IFT122: variants seen among roughly 807,000 people sequenced by gnomAD.
The protein encoded by IFT122 is intraflagellar transport 122, also known as intraflagellar transport protein 122 homolog.
A neutral mutation model predicts 161.6 loss-of-function variants in IFT122; 118 were observed. That is an observed-to-expected ratio of 0.73 (90% CI 0.63 to 0.85). IFT122 has a LOEUF of 0.85. Among genes scored for constraint, IFT122 ranks in the 40% least tolerant of loss-of-function variants. The pLI, the probability that IFT122 is intolerant of heterozygous loss-of-function variation, is 0.00. For missense variants in IFT122, 1,381 were observed against 1,579.6 expected, an observed-to-expected ratio of 0.87 and a Z score of 2.13; for synonymous variants, 550 against 602.4, an observed-to-expected ratio of 0.91 and a Z score of 1.27.
intron 15 of IFT122, chr3:129,487,985 C>T: frequency 1.9e-6 from 1 of 523,716 alleles, no homozygotes; most frequent in Non-Finnish European, 3.5e-6. Flanking sequence ...GGGTGACATC[C>T]TATGGCGAGG....
chr3:129,472,630 G>A (rs2077482608), intron 9 of IFT122, among the ~76,000 whole-genome samples: 1 of 152,178 alleles, frequency 6.6e-6, no homozygotes, highest in African/African-American at 2.4e-5. Flanking sequence ...TTCACCAAAT[G>A]TGAAAACATT....
intron 7 of IFT122, among the ~76,000 whole-genome samples, chr3:129,465,465 CTTTTTT>C (rs61439083): frequency 9.9e-6 from 1 of 101,244 alleles, no homozygotes; most frequent in Non-Finnish European, 1.8e-5. Context: ...ATTATATGCT[CTTTTTT>C]TTTTTTTTTT....
chr3:129,466,495 C>CT (rs527470540), intron 7 of IFT122, among the ~76,000 whole-genome samples: 2,859 of 102,002 alleles, frequency 0.028, 28 homozygotes, highest in Non-Finnish European at 0.032. Flanking sequence ...TATTTTTATT[C>CT]TTTTTTTTTT....
At chr3:129,450,638 A>G (rs945975184) in intron 2 of IFT122, among the ~76,000 whole-genome samples, 1 of 151,588 alleles carries the variant, frequency 6.6e-6, no homozygotes, top group African/African-American at 2.4e-5. Flanking sequence ...GTTTTTCTAC[A>G]TAGGTTATCT....
rs2084416442 is a variant in IFT122, at chr3:129,519,187, G to T, written c.3471+1G>T. 1 of 1,613,716 alleles carries T rather than the reference G, an allele frequency of 6.2e-7. No homozygotes were observed. Among genetic ancestry groups the T allele is most frequent in the African/African-American group, 1.3e-5 (1 of 75,058 alleles). On this transcript the variant is annotated splice_donor_variant, in intron 28 of 29. Coordinates refer to ENST00000348417, the MANE Select transcript of IFT122 (RefSeq NM_052989.3). LOFTEE classifies it high-confidence loss of function. The stretch of plus-strand genomic sequence containing the variant: ...GTTCACAGCTAAGCTGAGCTTTGAG[G>T]TGAGGGTGCCTCTCTGGGTGACCTG...
chr3:129,496,456 G>T (rs992605582), intron 18 of IFT122, among the ~76,000 whole-genome samples: 2 of 152,220 alleles, frequency 1.3e-5, no homozygotes, highest in African/African-American at 4.8e-5. Flanking sequence ...GTGGCTCTCA[G>T]TATGTTATGA....
At chr3:129,496,651 A>T (rs576461433) in intron 18 of IFT122, among the ~76,000 whole-genome samples, 1 of 152,016 alleles carries the variant, frequency 6.6e-6, no homozygotes, top group Non-Finnish European at 1.5e-5. Context: ...GTTGCCCAGG[A>T]CCTATTGTTC....
chr3:129,480,998 G>A lies in IFT122; in HGVS notation c.1489-532G>A, dbSNP rs150070264. Reference sequence around the variant, plus strand: ...GAGCCCAGGAGTTTGAGGCTGCAGTGTGATATGATTATACCTGTGAATAGC... The same window carrying A: ...GAGCCCAGGAGTTTGAGGCTGCAGTATGATATGATTATACCTGTGAATAGC... On this transcript the variant is annotated intron_variant, in intron 13 of 29. Transcript: ENST00000348417. Among the ~76,000 whole-genome samples, 9 of 152,288 alleles carry A rather than the reference G, an allele frequency of 5.9e-5. No individual in the cohort carries two copies. In the East Asian group the frequency reaches 1.7e-3, roughly 29 times the overall value.
intron 3 of IFT122, among the ~76,000 whole-genome samples, chr3:129,452,625 C>G (rs942167001): frequency 6.6e-6 from 1 of 152,060 alleles, no homozygotes; most frequent in African/African-American, 2.4e-5. Flanking sequence ...CAAAGAGAAT[C>G]GGGAATTGTA....
chr3:129,509,514 G>C (rs1290638866), intron 23 of IFT122, among the ~76,000 whole-genome samples: 5 of 152,180 alleles, frequency 3.3e-5, no homozygotes, highest in Middle Eastern at 3.2e-3. Flanking sequence ...AGTTGTCTCT[G>C]TTGCTTTATG....
chr3:129,512,203 A>C, intron 23 of IFT122, 109 bp from the exon 24 acceptor site: 1 of 810,148 alleles, frequency 1.2e-6, no homozygotes, highest in Non-Finnish European at 2.2e-6. Context: ...CTCAATAATC[A>C]GAGCCGCTCT....
At chr3:129,471,447 C>G (rs2077362170) in intron 9 of IFT122, among the ~76,000 whole-genome samples, 2 of 151,016 alleles carry the variant, frequency 1.3e-5, no homozygotes, top group Admixed American at 1.3e-4. Context: ...TATTGGCACA[C>G]CTACTGTGTA....
rs763216213 is a variant in IFT122, at chr3:129,515,587, G to A, written c.3253G>A (p.Ala1085Thr). 1.2e-5 allele frequency: 18 copies of A among 1,488,350 alleles called. No homozygotes were observed. Among genetic ancestry groups the A allele is most frequent in the Non-Finnish European group, 1.2e-5 (13 of 1,068,918 alleles). 92.2% of individuals were successfully genotyped at this position (1,488,350 alleles called of 1,614,324 possible). A position where few individuals can be genotyped will look rare whatever the true frequency, so the allele number is the denominator to read the frequency against. Reference sequence around the variant, plus strand: ...CTGCCGCCAGCCCTTCATCTTCTCCGCCTCTTCCTACGGTGAGTCCCTGCA... The same window carrying A: ...CTGCCGCCAGCCCTTCATCTTCTCCACCTCTTCCTACGGTGAGTCCCTGCA... ...INCRQPFIFS[A>T]SSYDVLHLVE... The change falls in exon 26 of 30, where the codon GCC (alanine) becomes ACC (threonine). Residue 1085 changes from alanine (A) to threonine (T), a missense_variant. Physicochemically the swap from Ala to Thr is moderately conservative, Grantham distance 58. Coordinates refer to ENST00000348417, the MANE Select transcript of IFT122 (RefSeq NM_052989.3).
At chr3:129,493,547 G>A (rs2080413965) in intron 17 of IFT122, among the ~76,000 whole-genome samples, 1 of 152,192 alleles carries the variant, frequency 6.6e-6, no homozygotes, top group African/African-American at 2.4e-5. Context: ...ACATCCCCAT[G>A]GGTCCATAGC....
In IFT122 at chr3:129,520,208, G is replaced by A; in HGVS notation, c.3669G>A (p.Val1223=). The A allele has an allele frequency of 6.2e-7, 1 of 1,612,290 alleles. No homozygotes were observed. The highest frequency in any genetic ancestry group is 8.5e-7 in the Non-Finnish European group (1 of 1,179,972). ...MFHSEDYELL[V]LQHGCCPYCR... ...ATTCTGAGGACTATGAGTTGCTGGTGCTTCAGCATGGCTGCTGCCCCTACT... is the reference window on the plus strand; with the variant it reads ...ATTCTGAGGACTATGAGTTGCTGGTACTTCAGCATGGCTGCTGCCCCTACT... The change falls in exon 30 of 30, where the codon GTG becomes GTA. Residue 1223 remains valine (V), a synonymous_variant. Coordinates refer to ENST00000348417, the MANE Select transcript of IFT122 (RefSeq NM_052989.3).
chr3:129,470,833 G>A (rs2077293337), intron 9 of IFT122, among the ~76,000 whole-genome samples: 1 of 152,174 alleles, frequency 6.6e-6, no homozygotes, highest in Non-Finnish European at 1.5e-5. Flanking sequence ...GTCTCCCAAA[G>A]TGCTGGGATT....
chr3:129,478,764 T>C (rs2078278761), intron 12 of IFT122, among the ~76,000 whole-genome samples: 1 of 152,222 alleles, frequency 6.6e-6, no homozygotes, highest in African/African-American at 2.4e-5. Context: ...CCTTGTTCTA[T>C]TGCAGAACAT....
At chr3:129,484,354 T>A (rs1371539274) in intron 15 of IFT122, among the ~76,000 whole-genome samples, 1 of 152,172 alleles carries the variant, frequency 6.6e-6, no homozygotes, top group East Asian at 1.9e-4. Flanking sequence ...AGCGAGAAAC[T>A]GTAGCCTTCA....
chr3:129,488,355 C>G lies in IFT122; in HGVS notation c.1950C>G (p.Ala650=), dbSNP rs1397225483. The G allele has an allele frequency of 1.2e-6, 2 of 1,614,128 alleles. No individual in the cohort carries two copies. Among genetic ancestry groups the G allele is most frequent in the Admixed American group, 3.3e-5 (2 of 60,028 alleles). The change falls in exon 16 of 30, where the codon GCC becomes GCG. Residue 650 remains alanine (A), a synonymous_variant. Transcript: ENST00000348417. ...CAGACACTGATTGGCGTGAACTGGC[C>G]ATGGAAGCGCTAGAAGGTTTAGATT... The part of the protein sequence containing the change: ...GVTDTDWREL[A]MEALEGLDFE...
Sources: gnomAD v4.1 joint callset for allele counts (sites outside exome capture counted in the v4.1 genomes callset) on GRCh38, gnomAD v4.1.1 for gene constraint, MANE v1.5 for transcripts, NCBI Gene and HGNC (gene_info 2026-07-23, HGNC 2026-07-21) for gene names.